Variants in TENT2 observed in about 807,000 individuals in gnomAD.
TENT2 encodes the protein poly(A) RNA polymerase GLD2.
A neutral mutation model predicts 72.2 loss-of-function variants in TENT2; 44 were observed. The observed-to-expected ratio is 0.61, with a 90% CI of 0.48 to 0.78. The LOEUF (loss-of-function observed/expected upper bound fraction) is 0.78, where lower values mean the gene tolerates loss of function less well. Among genes scored for constraint, TENT2 ranks in the 30% least tolerant of loss-of-function variants. TENT2 has a pLI of 0.00. For synonymous variants in TENT2, 212 were observed against 192.5 expected, an observed-to-expected ratio of 1.10 and a Z score of -0.84; for missense variants, 541 against 569.6, an observed-to-expected ratio of 0.95 and a Z score of 0.51.
At chr5:79,682,265 T>A (rs1822561336) in intron 14 of TENT2, among the ~76,000 whole-genome samples, 1 of 152,142 alleles carries the variant, frequency 6.6e-6, no homozygotes, top group Non-Finnish European at 1.5e-5. Flanking sequence ...GCTTTCACTT[T>A]CATAGAAATA....
intron 11 of TENT2, among the ~76,000 whole-genome samples, chr5:79,659,683 G>GCA (rs1333028886): frequency 6.9e-6 from 1 of 145,294 alleles, no homozygotes; most frequent in Admixed American, 7.0e-5. Flanking sequence ...AAATAAACTT[G>GCA]CAAGGTATTA....
intron 4 of TENT2, among the ~76,000 whole-genome samples, chr5:79,633,395 T>C (rs1233379425): frequency 6.6e-6 from 1 of 151,716 alleles, no homozygotes; most frequent in African/African-American, 2.4e-5. Context: ...ATTTACATTG[T>C]AGTATATGAT....
intron 4 of TENT2, among the ~76,000 whole-genome samples, chr5:79,635,290 A>C (rs932858688): frequency 6.6e-6 from 1 of 152,210 alleles, no homozygotes; most frequent in Non-Finnish European, 1.5e-5. Context: ...GTAAAGTAAT[A>C]TGATTTGATA....
At chr5:79,677,026 C>T (rs1174876755) in intron 12 of TENT2, among the ~76,000 whole-genome samples, 2 of 152,016 alleles carry the variant, frequency 1.3e-5, no homozygotes, top group Admixed American at 6.6e-5. Context: ...ATTGTGCCAC[C>T]GTACCCCAGC....
chr5:79,659,014 C>A (rs1800008474), intron 11 of TENT2, among the ~76,000 whole-genome samples: 1 of 152,098 alleles, frequency 6.6e-6, no homozygotes, highest in Admixed American at 6.5e-5. Flanking sequence ...ATAGCAAGAC[C>A]TGCGAGATTA....
intron 11 of TENT2, among the ~76,000 whole-genome samples, chr5:79,665,751 A>C (rs1263425993): frequency 6.6e-6 from 1 of 152,122 alleles, no homozygotes; most frequent in Non-Finnish European, 1.5e-5. Flanking sequence ...GTAACCCAAA[A>C]ATTTATTTAT....
At chr5:79,632,295 A>G (rs1477486626) in intron 4 of TENT2, among the ~76,000 whole-genome samples, 4 of 152,172 alleles carry the variant, frequency 2.6e-5, no homozygotes, top group Non-Finnish European at 5.9e-5. Flanking sequence ...AATTTTGAAA[A>G]TGAATACCCT....
At chr5:79,646,713 G>A (rs4704571) in intron 8 of TENT2, among the ~76,000 whole-genome samples, 66,887 of 151,256 alleles carry the variant, frequency 0.44, 17,844 homozygotes, top group African/African-American at 0.75. Flanking sequence ...AGTTACAAAG[G>A]TAGTTTTATT....
intron 3 of TENT2, chr5:79,620,680 C>G (rs1015667753): frequency 3.3e-5 from 5 of 152,180 alleles, no homozygotes; most frequent in African/African-American, 1.2e-4. Context: ...TTAAAGACCC[C>G]ACTTTAACTT....
At chr5:79,659,303 G>A (rs1476831379) in intron 11 of TENT2, among the ~76,000 whole-genome samples, 1 of 151,488 alleles carries the variant, frequency 6.6e-6, no homozygotes, top group Non-Finnish European at 1.5e-5. Flanking sequence ...GGGAGGCTAA[G>A]GTGGGTGGAT....
chr5:79,661,166 AAG>A (rs538673688), intron 11 of TENT2, among the ~76,000 whole-genome samples: 32 of 152,270 alleles, frequency 2.1e-4, no homozygotes, highest in African/African-American at 7.5e-4. Flanking sequence ...TTATTGAAGA[AAG>A]AAAAATTTTA....
Position 79,688,212 on chromosome 5 carries a change from A to C in TENT2, c.*2939A>C, listed in dbSNP as rs1176762224. ...TTTAACAACTCTGTGACTTGCTATA[A>C]TTAAAAATAAATGTTAACTCTTCTA... On this transcript the variant is annotated 3_prime_UTR_variant, in exon 15 of 15. Transcript: ENST00000453514. Among the ~76,000 whole-genome samples, 1 of 152,234 alleles carries C rather than the reference A, an allele frequency of 6.6e-6. No homozygotes were observed. Among genetic ancestry groups the C allele is most frequent in the Non-Finnish European group, 1.5e-5 (1 of 68,050 alleles).
chr5:79,612,491 C>T lies in TENT2; in HGVS notation c.-622C>T, dbSNP rs1382331240. The T allele has an allele frequency of 6.5e-6, 1 of 152,764 alleles. No homozygotes were observed. The highest frequency in any genetic ancestry group is 6.6e-5 in the Admixed American group (1 of 15,264). The allele number at this position is 152,764 out of a possible 1,614,324, so 9.5% of individuals were successfully genotyped here. ...GTGTCTTTGACAGGGTTTTCTACGCCGCTTTTTCGGCGACTTTTTGCTCTT... is the reference window on the plus strand; with the variant it reads ...GTGTCTTTGACAGGGTTTTCTACGCTGCTTTTTCGGCGACTTTTTGCTCTT... On this transcript the variant is annotated 5_prime_UTR_variant, in exon 1 of 15. Coordinates refer to ENST00000453514, the MANE Select transcript of TENT2 (RefSeq NM_001114394.3).
At chr5:79,670,110 T>C (rs1431250198) in intron 12 of TENT2, among the ~76,000 whole-genome samples, 3 of 151,278 alleles carry the variant, frequency 2.0e-5, no homozygotes, top group Non-Finnish European at 4.4e-5. Context: ...TCCCAGCTAC[T>C]TGGGAGGCTG....
chr5:79,660,514 C>A (rs775334976), intron 11 of TENT2, among the ~76,000 whole-genome samples: 1 of 152,042 alleles, frequency 6.6e-6, no homozygotes, highest in Non-Finnish European at 1.5e-5. Context: ...AGAAAATAAC[C>A]CTCTTCTTTT....
intron 3 of TENT2, among the ~76,000 whole-genome samples, chr5:79,622,048 C>T (rs1487045838): frequency 6.6e-6 from 1 of 152,004 alleles, no homozygotes; most frequent in Non-Finnish European, 1.5e-5. Flanking sequence ...TGCCTGTAAT[C>T]CCAGCACTTT....
intron 11 of TENT2, among the ~76,000 whole-genome samples, chr5:79,667,173 AAT>A (rs1808890677): frequency 6.6e-6 from 1 of 152,230 alleles, no homozygotes; most frequent in Non-Finnish European, 1.5e-5. Context: ...AAGGAAGTAC[AAT>A]CATTTTTAGA....
chr5:79,632,303 C>G (rs971735298), intron 4 of TENT2, among the ~76,000 whole-genome samples: 1 of 151,636 alleles, frequency 6.6e-6, no homozygotes, highest in Non-Finnish European at 1.5e-5. Context: ...AAATGAATAC[C>G]CTCTGAGTTT....
At position 79,686,869 on chromosome 5, in the gene TENT2, A is replaced by G. The variant is rs147854598; in HGVS notation, c.*1596A>G. Among the ~76,000 whole-genome samples, 174 of 152,144 alleles carry G rather than the reference A, an allele frequency of 1.1e-3. No homozygotes were observed. Among genetic ancestry groups the G allele is most frequent in the African/African-American group, 3.8e-3 (158 of 41,510 alleles). The stretch of plus-strand genomic sequence containing the variant: ...TGAGCTTTTCATATTTTGGGGGGGA[A>G]TTTTTCCTAAAATTTACACTGTGCA... On this transcript the variant is annotated 3_prime_UTR_variant, in exon 15 of 15. Transcript: ENST00000453514.
Sources: gnomAD v4.1 joint callset for allele counts (sites outside exome capture counted in the v4.1 genomes callset) on GRCh38, gnomAD v4.1.1 for gene constraint, MANE v1.5 for transcripts, NCBI Gene and HGNC (gene_info 2026-07-23, HGNC 2026-07-21) for gene names.